Variants in ADAMTSL5 observed in about 807,000 individuals in gnomAD.
ADAMTSL5 encodes the protein ADAMTS-like protein 5.
Under a neutral mutation model 51.7 loss-of-function variants are expected in ADAMTSL5, and 53 were observed. That is an observed-to-expected ratio of 1.03 (90% CI 0.82 to 1.29). The LOEUF is 1.29. Among genes scored for constraint, ADAMTSL5 ranks in the 50% most tolerant of loss-of-function variants. The probability of loss-of-function intolerance (pLI) is 0.00; values close to 1 mark genes in which losing one functional copy is unlikely to be tolerated. For missense variants in ADAMTSL5, 770 were observed against 676.2 expected (o/e 1.14, Z -1.54); for synonymous variants, 285 against 278.7 (o/e 1.02, Z -0.23).
chr19:1,508,417 T>C, intron 6 of ADAMTSL5, 26 bp downstream of exon 6: 1 of 1,410,914 alleles, frequency 7.1e-7, no homozygotes, highest in Non-Finnish European at 9.3e-7. Context: ...TGGGCGGGGC[T>C]CGGGCGGGGC....
chr19:1,506,407 G>A lies in ADAMTSL5; in HGVS notation c.1115-91C>T. The A allele has an allele frequency of 2.0e-6, 3 of 1,491,432 alleles. No homozygotes were observed. Among genetic ancestry groups the A allele is most frequent in the Non-Finnish European group, 2.7e-6 (3 of 1,106,814 alleles). 92.4% of individuals were successfully genotyped at this position (1,491,432 alleles called of 1,614,324 possible). ...TTGCCAGAAGAGGGACTGAGGGTCAGGTGGGACCTCGGGATCTATAGGGAC... is the reference window on the plus strand; with the variant it reads ...TTGCCAGAAGAGGGACTGAGGGTCAAGTGGGACCTCGGGATCTATAGGGAC... On this transcript the variant is annotated intron_variant, in intron 11 of 11. Transcript: ENST00000330475. The surrounding 1 kb of genome is among the most constrained non-coding windows in gnomAD (Gnocchi z 5.6).
chr19:1,510,694 G>C lies in ADAMTSL5; in HGVS notation c.136C>G (p.Arg46Gly), dbSNP rs766133183. The change falls in exon 3 of 12, where the codon CGC becomes GGC. Residue 46 changes from arginine to glycine, a missense_variant. Transcript: ENST00000330475. ...GEWTPWVSWT[R>G]CSSSCGRGVS... is the part of the protein sequence containing the mutation. ...CCACGCCCGCAGGAGCTGGAGCAGC[G>C]GGTCCAGGACACCCACGGGGTCCAC... The C allele has an allele frequency of 6.5e-7, 1 of 1,543,052 alleles. No individual in the cohort carries two copies. Among genetic ancestry groups the C allele is most frequent in the East Asian group, 2.5e-5 (1 of 40,220 alleles).
At position 1,507,555 on chromosome 19, in the gene ADAMTSL5, A is replaced by T. The variant is rs941901923; in HGVS notation, c.688+2T>A. On this transcript the variant is annotated splice_donor_variant, in intron 8 of 11. Coordinates refer to ENST00000330475, the MANE Select transcript of ADAMTSL5 (RefSeq NM_213604.3). LOFTEE classifies it high-confidence loss of function. ...TGCCTCTCGCCTCACATCCTAGGAT[A>T]CCCAGGTGGTTGCGGCTCCTGTGTT... is the stretch of plus-strand genomic sequence containing the variant. The T allele has an allele frequency of 1.2e-6, 2 of 1,613,366 alleles. No homozygotes were observed. The highest frequency in any genetic ancestry group is 1.7e-6 in the Non-Finnish European group (2 of 1,179,942).
intron 1 of ADAMTSL5, among the ~76,000 whole-genome samples, chr19:1,512,490 G>A (rs1357404306): frequency 6.6e-6 from 1 of 152,194 alleles, no homozygotes; most frequent in Non-Finnish European, 1.5e-5. Context: ...GGACCAGCCT[G>A]ACCAACATGG....
chr19:1,510,694 G>T lies in ADAMTSL5; in HGVS notation c.136C>A (p.Arg46Ser). 6.5e-7 allele frequency: 1 copy of T among 1,543,052 alleles called. No homozygotes were observed. The highest frequency in any genetic ancestry group is 8.7e-7 in the Non-Finnish European group (1 of 1,143,676). ...CCACGCCCGCAGGAGCTGGAGCAGC[G>T]GGTCCAGGACACCCACGGGGTCCAC... is the stretch of plus-strand genomic sequence containing the variant. Reference protein sequence around the residue: ...GEWTPWVSWTRCSSSCGRGVS... With the variant: ...GEWTPWVSWTSCSSSCGRGVS... Residue 46 changes from arginine (R) to serine (S), a missense_variant, in exon 3 of 12, where the codon CGC becomes AGC. Physicochemically the swap from Arg to Ser is moderately radical, Grantham distance 110. Transcript: ENST00000330475.
intron 1 of ADAMTSL5, chr19:1,511,646 A>ACACG: frequency 8.5e-7 from 1 of 1,170,822 alleles, no homozygotes; most frequent in Non-Finnish European, 1.1e-6. Context: ...GCCTGAGGCC[A>ACACG]GCCACTCCAC....
At chr19:1,507,427 T>C (rs750877085) in intron 8 of ADAMTSL5, 22 bp from the exon 9 acceptor site, 2 of 1,589,296 alleles carry the variant, frequency 1.3e-6, no homozygotes, top group South Asian at 1.2e-5. Context: ...CAGTCAGCCC[T>C]CAGGAACCTG....
At chr19:1,508,340 AG>A in intron 6 of ADAMTSL5, 102 bp downstream of exon 6, 3 of 758,100 alleles carry the variant, frequency 4.0e-6, no homozygotes, top group Non-Finnish European at 3.1e-6. Context: ...GAGCCTAGGG[AG>A]GGGGTGGAGG....
rs923367730 is a variant in ADAMTSL5 at position 1,510,625 on chromosome 19, C to T, written c.191+14G>A. 2.1e-5 allele frequency: 32 copies of T among 1,527,278 alleles called. No homozygotes were observed. Among genetic ancestry groups the T allele is most frequent in the South Asian group, 3.7e-5 (3 of 81,576 alleles). The allele number at this position is 1,527,278 out of a possible 1,614,324, so 94.6% of individuals were successfully genotyped here. A position where few individuals can be genotyped will look rare whatever the true frequency, so the allele number is the denominator to read the frequency against. ...GGGGAGGAGGGGCAGGGACCCCCTC[C>T]GGGCCCCGCTCACCGGAGGCAGCGC... On this transcript the variant is annotated intron_variant, in intron 3 of 11. Transcript: ENST00000330475.
In ADAMTSL5 at chr19:1,510,639, C is replaced by T. The variant is rs552856322; in HGVS notation, c.191G>A (p.Arg64Gln). ...GGGACCCCCTCCGGGCCCCGCTCAC[C>T]GGAGGCAGCGCCGGCTGCGCACAGA... The part of the protein sequence containing the change: ...GVSVRSRRCL[R>Q]LPGEEPCWGD... Residue 64 changes from arginine (R) to glutamine (Q), a missense_variant and splice_region_variant, in exon 3 of 12, where the codon CGG becomes CAG. Arg to Gln is a conservative substitution (Grantham distance 43). Transcript: ENST00000330475. 582 of 1,534,742 alleles carry T rather than the reference C, an allele frequency of 3.8e-4. 2 individuals carry two copies. In the African/African-American group the frequency reaches 7.0e-3, roughly 19 times the overall value.
chr19:1,508,199 C>T (rs1052392643), intron 6 of ADAMTSL5, 90 bp from the exon 7 acceptor site: 18 of 1,411,760 alleles, frequency 1.3e-5, no homozygotes, highest in South Asian at 5.1e-5. Flanking sequence ...GAGGACGAGG[C>T]CTGGAGGGAA....
Position 1,511,074 on chromosome 19 carries a change from A to T in ADAMTSL5, c.-131T>A. 1.5e-6 allele frequency: 1 copy of T among 645,722 alleles called. No homozygotes were observed. Among genetic ancestry groups the T allele is most frequent in the Non-Finnish European group, 2.3e-6 (1 of 441,314 alleles). 40.0% of individuals were successfully genotyped at this position (645,722 alleles called of 1,614,324 possible). On this transcript the variant is annotated 5_prime_UTR_variant, in exon 2 of 12. Transcript: ENST00000330475. Reference sequence around the variant, plus strand: ...AAAACGGGGTAATAGAGCCTCCCTTACAGGAAAGTTGAGGGGTCCTGTGGA... The same window carrying T: ...AAAACGGGGTAATAGAGCCTCCCTTTCAGGAAAGTTGAGGGGTCCTGTGGA...
Position 1,507,268 on chromosome 19 carries a change from G to T in ADAMTSL5, c.826C>A (p.Pro276Thr). Residue 276 changes from proline (P) to threonine (T), a missense_variant, in exon 9 of 12, where the codon CCC (proline) becomes ACC (threonine). Physicochemically the swap from Pro to Thr is conservative, Grantham distance 38 (BLOSUM62 -1). Transcript: ENST00000330475. ...GPQETLQAAGPTSHDLLLQVL... is the reference protein window; with the variant it reads ...GPQETLQAAGTTSHDLLLQVL... The stretch of plus-strand genomic sequence containing the variant: ...TGTAGGAGCAGGTCATGGGAGGTGG[G>T]CCCGGCTGCTTGCAATGTCTCCTGG... 1 of 1,553,898 alleles carries T rather than the reference G, an allele frequency of 6.4e-7. No homozygotes were observed. The highest frequency in any genetic ancestry group is 8.7e-7 in the Non-Finnish European group (1 of 1,151,114).
chr19:1,508,779 G>GCATTCATTCATT lies in ADAMTSL5; in HGVS notation c.362-221_362-210dup, dbSNP rs112104243. On this transcript the variant is annotated intron_variant, in intron 5 of 11. Coordinates refer to ENST00000330475, the MANE Select transcript of ADAMTSL5 (RefSeq NM_213604.3). The stretch of plus-strand genomic sequence containing the variant: ...ACTCGCAGGCAAGTATCCTGGGGCT[G>GCATTCATTCATT]CATTCATTCATTCATTCATTCATTC... 9.9e-6 allele frequency: 5 copies of GCATTCATTCATT among 502,708 alleles called. No homozygotes were observed. The African/African-American group carries it at 1.0e-4, about 10-fold the overall frequency. The allele number at this position is 502,708 out of a possible 1,614,324, so 31.1% of individuals were successfully genotyped here. A position where few individuals can be genotyped will look rare whatever the true frequency, so the allele number is the denominator to read the frequency against.
In ADAMTSL5 at chr19:1,505,869, C is replaced by T. The variant is rs1216515453; in HGVS notation, c.*146G>A. 2.4e-5 allele frequency: 25 copies of T among 1,054,364 alleles called. No homozygotes were observed. Among genetic ancestry groups the T allele is most frequent in the Admixed American group, 3.2e-5 (1 of 31,186 alleles). 65.3% of individuals were successfully genotyped at this position (1,054,364 alleles called of 1,614,324 possible). ...TGACTGCATGCAGAGGTGTCTTAAG[C>T]GTGTGTGGGAGGGAGTCACATAGCT... On this transcript the variant is annotated 3_prime_UTR_variant, in exon 12 of 12. Transcript: ENST00000330475.
rs1912972681 is a variant in ADAMTSL5 at position 1,507,067 on chromosome 19, T to A, written c.853-139A>T. ...CCTCTGATGCTCTGTCCCTAGCTGATCCCCTCTGACCCTGTCCCCACCCTC... is the reference window on the plus strand; with the variant it reads ...CCTCTGATGCTCTGTCCCTAGCTGAACCCCTCTGACCCTGTCCCCACCCTC... On this transcript the variant is annotated intron_variant, in intron 9 of 11. Transcript: ENST00000330475. 2.4e-6 allele frequency: 3 copies of A among 1,261,342 alleles called. 1 individual carries two copies. The Admixed American group carries it at 8.4e-5, about 35-fold the overall frequency. The allele number at this position is 1,261,342 out of a possible 1,614,324, so 78.1% of individuals were successfully genotyped here.
Position 1,506,988 on chromosome 19 carries a change from T to C in ADAMTSL5, c.853-60A>G. 2.7e-6 allele frequency: 4 copies of C among 1,480,600 alleles called. No individual in the cohort carries two copies. Among genetic ancestry groups the C allele is most frequent in the Non-Finnish European group, 3.6e-6 (4 of 1,101,662 alleles). The allele number at this position is 1,480,600 out of a possible 1,614,324, so 91.7% of individuals were successfully genotyped here. On this transcript the variant is annotated intron_variant, in intron 9 of 11. Transcript: ENST00000330475. This position sits in a 1 kb window ranked among gnomAD's most constrained non-coding sequence, Gnocchi z 5.6. The stretch of plus-strand genomic sequence containing the variant: ...GGAGGCTGGGGTTGCCTCCTGCCTC[T>C]GACCCTACGACCCCAGCCTCCCCAC...
chr19:1,507,698 T>C (rs573902226), intron 7 of ADAMTSL5, 55 bp from the exon 8 acceptor site: 5 of 1,543,956 alleles, frequency 3.2e-6, no homozygotes, highest in Non-Finnish European at 4.5e-6. Context: ...ATTTGAGCGA[T>C]GACTTGAGGA....
In ADAMTSL5 at chr19:1,506,579, G is replaced by C. The variant is rs1191786051; in HGVS notation, c.1114+11C>G. 1.9e-6 allele frequency: 3 copies of C among 1,610,178 alleles called. No homozygotes were observed. The highest frequency in any genetic ancestry group is 2.5e-6 in the Non-Finnish European group (3 of 1,178,800). On this transcript the variant is annotated intron_variant, in intron 11 of 11. Transcript: ENST00000330475. This position sits in a 1 kb window ranked among gnomAD's most constrained non-coding sequence, Gnocchi z 5.6. ...TAGGGGCTAAGTCAGGGTAGAGGTCGGGGGTCTCACCAAAGTCACTGCCGC... is the reference window on the plus strand; with the variant it reads ...TAGGGGCTAAGTCAGGGTAGAGGTCCGGGGTCTCACCAAAGTCACTGCCGC...
Sources: allele counts gnomAD v4.1 joint callset (sites outside exome capture counted in the v4.1 genomes callset), GRCh38; gene constraint gnomAD v4.1.1; non-coding constraint Gnocchi (gnomAD v3.1); transcripts MANE v1.5; gene names NCBI Gene and HGNC (gene_info 2026-07-23, HGNC 2026-07-21).